Variants in ANKRD12 observed in about 807,000 individuals in gnomAD.
ANKRD12 encodes ankyrin repeat domain-containing protein 12.
In ANKRD12, 85 loss-of-function variants were observed where a neutral mutation model predicts 183.4. The observed-to-expected ratio is 0.46, with a 90% CI of 0.39 to 0.56. The LOEUF (loss-of-function observed/expected upper bound fraction) is 0.56, where lower values mean the gene tolerates loss of function less well. Among genes scored for constraint, ANKRD12 ranks in the 20% least tolerant of loss-of-function variants. The pLI is 0.00. For synonymous variants in ANKRD12, 914 were observed against 800.2 expected (o/e 1.14, Z -2.40); for missense variants, 2,405 against 2,357.1 (o/e 1.02, Z -0.42).
chr18:9,276,630 G>A lies in ANKRD12; in HGVS notation c.5907+963G>A, dbSNP rs535482387. On this transcript the variant is annotated intron_variant, in intron 11 of 12. Transcript: ENST00000262126. ...CAGGGAGGCTGAGGTAGGAGGATCT[G>A]TTGAGCCTGGCAGGCCAAGGCTGCA... Among the ~76,000 whole-genome samples the A allele has an allele frequency of 3.3e-5, 5 of 152,134 alleles. 1 individual carries two copies. Among genetic ancestry groups the A allele is most frequent in the South Asian group, 4.1e-4 (2 of 4,822 alleles).
chr18:9,176,932 T>A (rs999177621), intron 1 of ANKRD12, among the ~76,000 whole-genome samples: 3 of 152,198 alleles, frequency 2.0e-5, no homozygotes, highest in Non-Finnish European at 4.4e-5. Flanking sequence ...ATAGCATACA[T>A]TTAGAGAATG....
intron 3 of ANKRD12, among the ~76,000 whole-genome samples, chr18:9,199,494 T>C (rs1192959432): frequency 2.6e-5 from 4 of 152,070 alleles, no homozygotes; most frequent in Admixed American, 2.6e-4. Context: ...CAGAACAAAA[T>C]ATAAATGTTA....
At position 9,254,663 on chromosome 18, in the gene ANKRD12, C is replaced by T; in HGVS notation, c.1396C>T (p.His466Tyr). Residue 466 changes from histidine to tyrosine, a missense_variant, in exon 9 of 13, where the codon CAC becomes TAC. This residue lies in a region of ANKRD12 where 1,983 missense variants were observed against 1,725.9 expected (regional missense o/e 1.15). Transcript: ENST00000262126. ...AAAGGAATATGTAGTTTCAGGTGAACACAAACAGAAAGGCAAAGTTAAAAG... is the reference window on the plus strand; with the variant it reads ...AAAGGAATATGTAGTTTCAGGTGAATACAAACAGAAAGGCAAAGTTAAAAG... ...TKKEYVVSGE[H>Y]KQKGKVKRKL... 1 of 1,543,086 alleles carries T rather than the reference C, an allele frequency of 6.5e-7. No individual in the cohort carries two copies. Among genetic ancestry groups the T allele is most frequent in the East Asian group, 2.3e-5 (1 of 43,184 alleles).
intron 8 of ANKRD12, among the ~76,000 whole-genome samples, chr18:9,225,947 T>C (rs1567938065): frequency 6.6e-6 from 1 of 151,204 alleles, no homozygotes; most frequent in Admixed American, 6.6e-5. Flanking sequence ...TCAATCCATA[T>C]TATTTTTTGA....
At chr18:9,238,426 A>C (rs1473318235) in intron 8 of ANKRD12, among the ~76,000 whole-genome samples, 1 of 152,206 alleles carries the variant, frequency 6.6e-6, no homozygotes, top group African/African-American at 2.4e-5. Context: ...GAATATTTCC[A>C]CCTGGATTTC....
chr18:9,244,543 C>G (rs1452357355), intron 8 of ANKRD12, among the ~76,000 whole-genome samples: 3 of 152,080 alleles, frequency 2.0e-5, no homozygotes, highest in Non-Finnish European at 4.4e-5. Flanking sequence ...AATTGACATA[C>G]TTTAGAACAA....
intron 10 of ANKRD12, among the ~76,000 whole-genome samples, chr18:9,270,605 G>C (rs1026538915): frequency 1.3e-5 from 2 of 152,120 alleles, no homozygotes; most frequent in Non-Finnish European, 2.9e-5. Context: ...TCACACACCA[G>C]GGCCTGTTGT....
Position 9,190,471 on chromosome 18 carries a change from G to A in ANKRD12, c.88-5080G>A, listed in dbSNP as rs570894538. Among the ~76,000 whole-genome samples, 13 of 152,266 alleles carry A rather than the reference G, an allele frequency of 8.5e-5. No homozygotes were observed. In the East Asian group the frequency reaches 1.2e-3, roughly 14 times the overall value. On this transcript the variant is annotated intron_variant, in intron 2 of 12. Transcript: ENST00000262126. ...TAATTTAGTATATTACATAAACTTC[G>A]TTGATAAAACAGCAGCAGAGTTAAA...
intron 3 of ANKRD12, among the ~76,000 whole-genome samples, chr18:9,201,604 C>T (rs2035172201): frequency 6.6e-6 from 1 of 152,114 alleles, no homozygotes; most frequent in Non-Finnish European, 1.5e-5. Flanking sequence ...TAGAAAGCCT[C>T]CAGCAGTATA....
intron 3 of ANKRD12, 98 bp downstream of exon 3, chr18:9,195,796 A>T: frequency 2.7e-6 from 3 of 1,093,188 alleles, no homozygotes; most frequent in Non-Finnish European, 3.8e-6. Flanking sequence ...CAGTTTATAG[A>T]GAAATATTTG....
Position 9,256,713 on chromosome 18 carries a change from C to T in ANKRD12, c.3446C>T (p.Ala1149Val). 4 of 1,611,596 alleles carry T rather than the reference C, an allele frequency of 2.5e-6. No homozygotes were observed. The highest frequency in any genetic ancestry group is 2.5e-6 in the Non-Finnish European group (3 of 1,179,316). Residue 1149 changes from alanine (A) to valine (V), a missense_variant, in exon 9 of 13, where the codon GCA becomes GTA. Physicochemically the swap from Ala to Val is moderately conservative, Grantham distance 64. This residue lies in a region of ANKRD12 where 1,983 missense variants were observed against 1,725.9 expected (regional missense o/e 1.15). Transcript: ENST00000262126. ...TRSKSSEVTD[A>V]YTKEKQPKDA... ...TCAAAGAGTTCAGAAGTGACTGATG[C>T]ATATACCAAGGAGAAACAACCTAAA... is the stretch of plus-strand genomic sequence containing the variant.
intron 11 of ANKRD12, among the ~76,000 whole-genome samples, chr18:9,275,877 A>C (rs920137386): frequency 6.6e-6 from 1 of 152,262 alleles, no homozygotes; most frequent in Non-Finnish European, 1.5e-5. Context: ...TTATAAAAGC[A>C]GATGATCACA....
chr18:9,212,145 A>G (rs1229026273), intron 6 of ANKRD12, among the ~76,000 whole-genome samples: 1 of 152,120 alleles, frequency 6.6e-6, no homozygotes, highest in Non-Finnish European at 1.5e-5. Flanking sequence ...TGAGGACTGT[A>G]AGAGTGTGGT....
intron 8 of ANKRD12, among the ~76,000 whole-genome samples, chr18:9,247,101 C>CA (rs2038005591): frequency 6.6e-6 from 1 of 152,294 alleles, no homozygotes; most frequent in South Asian, 2.1e-4. Context: ...TTGACTGTTA[C>CA]ACTTTCTGTT....
intron 4 of ANKRD12, among the ~76,000 whole-genome samples, chr18:9,205,674 G>A (rs995306360): frequency 4.6e-5 from 7 of 152,002 alleles, no homozygotes; most frequent in Admixed American, 1.3e-4. Context: ...TATCATTGCC[G>A]GAAATCAAAA....
intron 1 of ANKRD12, among the ~76,000 whole-genome samples, chr18:9,171,924 G>A (rs997178132): frequency 1.3e-5 from 2 of 151,706 alleles, no homozygotes; most frequent in African/African-American, 4.8e-5. Context: ...GGAGGCTGAG[G>A]CAGGAGAATC....
At chr18:9,149,771 G>GATTT (rs376013950) in intron 1 of ANKRD12, among the ~76,000 whole-genome samples, 1 of 12,486 alleles carries the variant, frequency 8.0e-5, no homozygotes, top group African/African-American at 2.1e-4. Flanking sequence ...TATTTGTAAT[G>GATTT]ATTTATTTAT....
At chr18:9,170,507 T>A (rs1479389634) in intron 1 of ANKRD12, among the ~76,000 whole-genome samples, 1 of 152,230 alleles carries the variant, frequency 6.6e-6, no homozygotes, top group East Asian at 1.9e-4. Flanking sequence ...CATCGGCTGC[T>A]GAGACTTCTG....
Position 9,254,898 on chromosome 18 carries a change from C to A in ANKRD12, c.1631C>A (p.Pro544His), listed in dbSNP as rs756749902. ...TTTCATATTTCCACTGGTAAATCTC[C>A]CAAACATTCTTGTGGATTAAGTGAA... is the stretch of plus-strand genomic sequence containing the variant. ...HLFHISTGKS[P>H]KHSCGLSEKQ... The change falls in exon 9 of 13, where the codon CCC (proline) becomes CAC (histidine). Residue 544 changes from proline (P) to histidine (H), a missense_variant. Around this residue, in one of 7 missense-constraint regions of ANKRD12, gnomAD observed 1,983 missense variants for 1,725.9 expected, o/e 1.15. Transcript: ENST00000262126. 5.8e-6 allele frequency: 9 copies of A among 1,552,090 alleles called. No homozygotes were observed. The Admixed American group carries it at 1.0e-4, about 18-fold the overall frequency.
Sources: gnomAD v4.1 joint callset for allele counts (sites outside exome capture counted in the v4.1 genomes callset) on GRCh38, gnomAD v4.1.1 for gene constraint, gnomAD v4.1.1 regional missense constraint, MANE v1.5 for transcripts, NCBI Gene and HGNC (gene_info 2026-07-23, HGNC 2026-07-21) for gene names.